VSNL1: variants seen among roughly 807,000 people sequenced by gnomAD.
VSNL1 encodes visinin-like protein 1.
Under a neutral mutation model 20.4 loss-of-function variants are expected in VSNL1, and 6 were observed. That is an observed-to-expected ratio of 0.29 (90% CI 0.16 to 0.58). VSNL1 has a LOEUF of 0.58. Among genes scored for constraint, VSNL1 ranks in the 20% least tolerant of loss-of-function variants. The pLI is 0.90. For synonymous variants in VSNL1, 93 were observed against 86.4 expected (o/e 1.08, Z -0.42); for missense variants, 100 against 234.5 (o/e 0.43, Z 3.75).
chr2:17,586,045 G>C (rs1244504196), intron 1 of VSNL1, among the ~76,000 whole-genome samples: 1 of 152,100 alleles, frequency 6.6e-6, no homozygotes, highest in Admixed American at 6.6e-5. Flanking sequence ...CTGACCTCAG[G>C]TGATCTGCCC....
chr2:17,546,412 G>GTT (rs68180991), intron 1 of VSNL1, among the ~76,000 whole-genome samples: 6 of 150,866 alleles, frequency 4.0e-5, no homozygotes, highest in South Asian at 2.1e-4. Context: ...ATAGTTTTTT[G>GTT]TTTTTTTTGG....
chr2:17,557,849 A>T (rs1004238745), intron 1 of VSNL1, among the ~76,000 whole-genome samples: 4 of 152,166 alleles, frequency 2.6e-5, no homozygotes, highest in Admixed American at 6.6e-5. Flanking sequence ...GAAATTTACA[A>T]GCACCTGTGT....
chr2:17,620,088 C>T (rs1472470596), intron 2 of VSNL1, among the ~76,000 whole-genome samples: 1 of 152,136 alleles, frequency 6.6e-6, no homozygotes, highest in Non-Finnish European at 1.5e-5. Flanking sequence ...GGAGGCCTTC[C>T]TGCAATGGGG....
chr2:17,543,496 C>T (rs1254421540), intron 1 of VSNL1, among the ~76,000 whole-genome samples: 1 of 152,178 alleles, frequency 6.6e-6, no homozygotes, highest in East Asian at 1.9e-4. Context: ...GTGGACTTTG[C>T]CAGCTCACCT....
intron 2 of VSNL1, among the ~76,000 whole-genome samples, chr2:17,636,072 A>G (rs1165357617): frequency 6.6e-6 from 1 of 152,098 alleles, no homozygotes; most frequent in Non-Finnish European, 1.5e-5. Context: ...GCTCTTCCCC[A>G]GAGTAACATT....
intron 1 of VSNL1, among the ~76,000 whole-genome samples, chr2:17,554,703 G>A (rs1488588607): frequency 6.6e-6 from 1 of 152,064 alleles, no homozygotes; most frequent in Non-Finnish European, 1.5e-5. Context: ...TGAGGGTTGG[G>A]AATTTGCCTT....
rs1398296982 is a variant in VSNL1, at chr2:17,655,113, C to A, written c.379-84C>A. 12 of 1,395,100 alleles carry A rather than the reference C, an allele frequency of 8.6e-6. No homozygotes were observed. Among genetic ancestry groups the A allele is most frequent in the Middle Eastern group, 2.5e-4 (1 of 3,984 alleles). The allele number at this position is 1,395,100 out of a possible 1,614,324, so 86.4% of individuals were successfully genotyped here. Reference sequence around the variant, plus strand: ...CTGAGGCTTGGAGGATGGGTGGGATCCCGTCAGGTGAAAGGGAGGCAAGAA... The same window carrying A: ...CTGAGGCTTGGAGGATGGGTGGGATACCGTCAGGTGAAAGGGAGGCAAGAA... On this transcript the variant is annotated intron_variant, in intron 3 of 3. Coordinates refer to ENST00000295156, the MANE Select transcript of VSNL1 (RefSeq NM_003385.5). This position sits in a 1 kb window ranked among gnomAD's most constrained non-coding sequence, Gnocchi z 5.2.
intron 2 of VSNL1, among the ~76,000 whole-genome samples, chr2:17,603,737 A>G (rs1025362869): frequency 1.3e-5 from 2 of 152,248 alleles, no homozygotes; most frequent in African/African-American, 2.4e-5. Flanking sequence ...CAAACTGCCA[A>G]ACGTGTTAGA....
intron 1 of VSNL1, among the ~76,000 whole-genome samples, chr2:17,558,958 C>T (rs187785534): frequency 6.6e-6 from 1 of 152,198 alleles, no homozygotes; most frequent in East Asian, 1.9e-4. Flanking sequence ...TATAAAGAAA[C>T]TCAGAGGTAG....
Position 17,590,446 on chromosome 2 carries a change from G to T in VSNL1, c.-5-1624G>T, listed in dbSNP as rs561222911. Among the ~76,000 whole-genome samples, 7 of 152,240 alleles carry T rather than the reference G, an allele frequency of 4.6e-5. No homozygotes were observed. In the South Asian group the frequency reaches 8.3e-4, roughly 18 times the overall value. On this transcript the variant is annotated intron_variant, in intron 1 of 3. Coordinates refer to ENST00000295156, the MANE Select transcript of VSNL1 (RefSeq NM_003385.5). The stretch of plus-strand genomic sequence containing the variant: ...TAGACAGTTGCTTATAAGAGATTTG[G>T]AACTTGAATTCAGAGCAAAAATAAG...
At chr2:17,633,347 A>G (rs35534755) in intron 2 of VSNL1, among the ~76,000 whole-genome samples, 42 of 87,408 alleles carry the variant, frequency 4.8e-4, no homozygotes, top group Non-Finnish European at 9.3e-4. Flanking sequence ...TACTAAAAAT[A>G]CAAAAAAAAA....
intron 2 of VSNL1, among the ~76,000 whole-genome samples, chr2:17,643,372 T>C (rs974651146): frequency 6.6e-6 from 1 of 152,182 alleles, no homozygotes; most frequent in African/African-American, 2.4e-5. Flanking sequence ...TCTGCTTAAG[T>C]AGTAATGCGA....
Position 17,634,929 on chromosome 2 carries a change from AC to A in VSNL1, c.163-14477del, listed in dbSNP as rs1665718520. Among the ~76,000 whole-genome samples the A allele has an allele frequency of 1.3e-5, 2 of 151,894 alleles. No homozygotes were observed. The highest frequency in any genetic ancestry group is 6.6e-5 in the Admixed American group (1 of 15,230). On this transcript the variant is annotated intron_variant, in intron 2 of 3. Coordinates refer to ENST00000295156, the MANE Select transcript of VSNL1 (RefSeq NM_003385.5). This position sits in a 1 kb window ranked among gnomAD's most constrained non-coding sequence, Gnocchi z 4.3. ...CGGTCAGGCTCTAACTGGCAGCTCG[AC>A]CCCTAGCTCGTTTGAACACACATAC...
intron 2 of VSNL1, among the ~76,000 whole-genome samples, chr2:17,629,190 G>C (rs1665578367): frequency 1.3e-5 from 2 of 152,168 alleles, no homozygotes; most frequent in Non-Finnish European, 2.9e-5. Context: ...GTCCCTTAAG[G>C]CTCAGGGTTG....
At chr2:17,581,777 G>A (rs1000041972) in intron 1 of VSNL1, among the ~76,000 whole-genome samples, 3 of 152,120 alleles carry the variant, frequency 2.0e-5, no homozygotes, top group Non-Finnish European at 2.9e-5. Context: ...CTCTCTTATC[G>A]CTCAACTGAT....
intron 2 of VSNL1, among the ~76,000 whole-genome samples, chr2:17,640,270 GAAAGA>G (rs1169416567): frequency 4.6e-4 from 64 of 138,604 alleles, no homozygotes; most frequent in Non-Finnish European, 7.1e-4. Flanking sequence ...AAAAAAAAAA[GAAAGA>G]AAAGAAAAGA....
At chr2:17,559,108 C>A (rs1197542942) in intron 1 of VSNL1, among the ~76,000 whole-genome samples, 2 of 151,966 alleles carry the variant, frequency 1.3e-5, no homozygotes, top group African/African-American at 4.8e-5. Context: ...AGCCACATAT[C>A]GGCTTTCTAA....
In VSNL1 at chr2:17,649,335, C is replaced by G. The variant is rs1264199646; in HGVS notation, c.163-75C>G. 6.9e-7 allele frequency: 1 copy of G among 1,446,484 alleles called. No homozygotes were observed. Among genetic ancestry groups the G allele is most frequent in the Non-Finnish European group, 9.7e-7 (1 of 1,032,646 alleles). 89.6% of individuals were successfully genotyped at this position (1,446,484 alleles called of 1,614,324 possible). A position where few individuals can be genotyped will look rare whatever the true frequency, so the allele number is the denominator to read the frequency against. ...CAACGCCCAGGAGCACCTGTGATGC[C>G]GTCATTAGGAACCTACCTCGTCGCC... is the stretch of plus-strand genomic sequence containing the variant. On this transcript the variant is annotated intron_variant, in intron 2 of 3. Coordinates refer to ENST00000295156, the MANE Select transcript of VSNL1 (RefSeq NM_003385.5). This position sits in a 1 kb window ranked among gnomAD's most constrained non-coding sequence, Gnocchi z 6.4.
chr2:17,651,644 GGC>G (rs2103432529), intron 3 of VSNL1, among the ~76,000 whole-genome samples: 1 of 152,352 alleles, frequency 6.6e-6, no homozygotes, highest in East Asian at 1.9e-4. Flanking sequence ...GCCAGCTCCC[GGC>G]AGCACCAAGG....
Sources: gnomAD v4.1 joint callset for allele counts (sites outside exome capture counted in the v4.1 genomes callset) on GRCh38, gnomAD v4.1.1 for gene constraint, Gnocchi (gnomAD v3.1) non-coding constraint, MANE v1.5 for transcripts, NCBI Gene and HGNC (gene_info 2026-07-23, HGNC 2026-07-21) for gene names.